The following LRRTM4 variants were observed in gnomAD, a reference collection of about 807,000 sequenced individuals.
The protein encoded by LRRTM4 is leucine-rich repeat transmembrane neuronal protein 4.
In LRRTM4, 25 loss-of-function variants were observed where a neutral mutation model predicts 47.6. That is an observed-to-expected ratio of 0.53 (90% confidence interval 0.38 to 0.73). LRRTM4 has a LOEUF of 0.73. LRRTM4 is among the 30% of genes least tolerant of loss of function. The probability of loss-of-function intolerance (pLI) is 0.00; values close to 1 mark genes in which losing one functional copy is unlikely to be tolerated. For missense variants in LRRTM4, 638 were observed against 713.4 expected (o/e 0.89, Z 1.20); for synonymous variants, 311 against 269.5 (o/e 1.15, Z -1.51).
At chr2:77,121,163 G>A (rs939154081) in intron 3 of LRRTM4, among the ~76,000 whole-genome samples, 1 of 151,764 alleles carries the variant, frequency 6.6e-6, no homozygotes, top group African/African-American at 2.4e-5. Flanking sequence ...AGGCAAATTA[G>A]GAATGCAACA....
chr2:77,013,053 A>G (rs1169481295), intron 3 of LRRTM4, among the ~76,000 whole-genome samples: 1 of 152,204 alleles, frequency 6.6e-6, no homozygotes, highest in Non-Finnish European at 1.5e-5. Context: ...TAATAGCATG[A>G]ATGAATGGAT....
intron 3 of LRRTM4, among the ~76,000 whole-genome samples, chr2:77,055,579 T>C (rs1265602063): frequency 6.6e-6 from 1 of 152,178 alleles, no homozygotes; most frequent in African/African-American, 2.4e-5. Context: ...GGAACACTTT[T>C]ACACTGTTGG....
chr2:76,808,025 CTCTTT>C (rs879825783), intron 3 of LRRTM4, among the ~76,000 whole-genome samples: 5 of 134,306 alleles, frequency 3.7e-5, no homozygotes, highest in Admixed American at 1.6e-4. Flanking sequence ...TCCTTCCTTC[CTCTTT>C]TCTTTTCTTT....
chr2:77,514,886 A>G (rs2104113377), intron 3 of LRRTM4, among the ~76,000 whole-genome samples: 1 of 152,112 alleles, frequency 6.6e-6, no homozygotes, highest in Admixed American at 6.6e-5. Flanking sequence ...AAATTGATAT[A>G]CAGAATGAAG....
At chr2:77,043,667 A>C (rs1419624998) in intron 3 of LRRTM4, among the ~76,000 whole-genome samples, 2 of 151,812 alleles carry the variant, frequency 1.3e-5, no homozygotes, top group African/African-American at 4.8e-5. Flanking sequence ...GAAAATTATC[A>C]TATAAATGTG....
At chr2:77,290,762 C>T (rs997514940) in intron 3 of LRRTM4, among the ~76,000 whole-genome samples, 2 of 152,004 alleles carry the variant, frequency 1.3e-5, no homozygotes, top group Non-Finnish European at 2.9e-5. Context: ...CAGAGCCATA[C>T]CTGTAATTCT....
intron 3 of LRRTM4, among the ~76,000 whole-genome samples, chr2:76,916,989 T>C (rs76473334): frequency 3.9e-4 from 59 of 152,340 alleles, no homozygotes; most frequent in African/African-American, 1.4e-3. Context: ...CATCTGAAGA[T>C]TTGTGTCCAT....
At chr2:77,064,213 T>C (rs1204885655) in intron 3 of LRRTM4, among the ~76,000 whole-genome samples, 1 of 152,168 alleles carries the variant, frequency 6.6e-6, no homozygotes, top group Non-Finnish European at 1.5e-5. Flanking sequence ...TTTTATCCAA[T>C]AAGTACTTCC....
In LRRTM4 at chr2:77,253,629, C is replaced by T. The variant is rs140748442; in HGVS notation, c.1551+264689G>A. 1.4e-4 allele frequency among the ~76,000 whole-genome samples: 21 copies of T among 152,054 alleles called. No individual in the cohort carries two copies. The East Asian group carries it at 2.7e-3, about 20-fold the overall frequency. The stretch of plus-strand genomic sequence containing the variant: ...GATGCCAACAATGAGAAGATGTCAA[C>T]GTGAGAAGTATCTGAGAAGCATTTT... On this transcript the variant is annotated intron_variant, in intron 3 of 3. Transcript: ENST00000409884.
chr2:77,162,049 G>A (rs1304093042), intron 3 of LRRTM4, among the ~76,000 whole-genome samples: 2 of 152,144 alleles, frequency 1.3e-5, no homozygotes, highest in African/African-American at 4.8e-5. Context: ...GTAGCCCACA[G>A]AGCGGGAATT....
chr2:76,976,335 A>T (rs1274962726), intron 3 of LRRTM4, among the ~76,000 whole-genome samples: 1 of 151,772 alleles, frequency 6.6e-6, no homozygotes, highest in East Asian at 1.9e-4. Flanking sequence ...CATCTGTGGA[A>T]AGCAAAACAT....
At chr2:76,778,880 T>C (rs1558646530) in intron 3 of LRRTM4, among the ~76,000 whole-genome samples, 1 of 151,908 alleles carries the variant, frequency 6.6e-6, no homozygotes, top group Non-Finnish European at 1.5e-5. Context: ...TCTTTCCTGC[T>C]TTCTTTTGTG....
chr2:77,376,913 A>G (rs932768677), intron 3 of LRRTM4, among the ~76,000 whole-genome samples: 20 of 151,972 alleles, frequency 1.3e-4, no homozygotes, highest in African/African-American at 4.8e-4. Flanking sequence ...AGTAGAGAGA[A>G]TAACTACAAG....
At chr2:77,012,080 C>T (rs148627634) in intron 3 of LRRTM4, among the ~76,000 whole-genome samples, 28 of 152,088 alleles carry the variant, frequency 1.8e-4, no homozygotes, top group African/African-American at 6.3e-4. Flanking sequence ...TCAAATCTCA[C>T]GCAAAATGTT....
intron 3 of LRRTM4, among the ~76,000 whole-genome samples, chr2:77,259,784 C>T (rs1462601615): frequency 6.6e-6 from 1 of 151,854 alleles, no homozygotes. Flanking sequence ...TATGCAAGGC[C>T]AAGAGAAAAT....
At chr2:77,503,698 C>A (rs147189317) in intron 3 of LRRTM4, among the ~76,000 whole-genome samples, 2,480 of 151,012 alleles carry the variant, frequency 0.016, 72 homozygotes, top group African/African-American at 0.057. Context: ...ATAAGAAAAA[C>A]GTAAAACTCA....
chr2:77,141,283 T>A (rs1453675213), intron 3 of LRRTM4, among the ~76,000 whole-genome samples: 1 of 152,180 alleles, frequency 6.6e-6, no homozygotes, highest in African/African-American at 2.4e-5. Flanking sequence ...CATGGAATAC[T>A]ATGCAGCCAT....
At chr2:76,978,846 T>G (rs1676503866) in intron 3 of LRRTM4, among the ~76,000 whole-genome samples, 1 of 152,020 alleles carries the variant, frequency 6.6e-6, no homozygotes, top group Non-Finnish European at 1.5e-5. Context: ...AACAATGCAG[T>G]GTCTTACCTT....
chr2:77,460,141 T>C (rs1676730895), intron 3 of LRRTM4, among the ~76,000 whole-genome samples: 2 of 152,150 alleles, frequency 1.3e-5, no homozygotes, highest in Admixed American at 1.3e-4. Flanking sequence ...ATCTGGATAG[T>C]TGCTGATCAA....
Sources: allele counts gnomAD v4.1 joint callset (sites outside exome capture counted in the v4.1 genomes callset), GRCh38; gene constraint gnomAD v4.1.1; transcripts MANE v1.5; gene names NCBI Gene and HGNC (gene_info 2026-07-23, HGNC 2026-07-21).